UBE2D2: variants seen among roughly 807,000 people sequenced by gnomAD.
UBE2D2 encodes ubiquitin-conjugating enzyme E2 D2.
In UBE2D2, 2 loss-of-function variants were observed where a neutral mutation model predicts 24.2. The observed-to-expected ratio is 0.08, with a 90% CI of 0.03 to 0.26. UBE2D2 has a LOEUF of 0.26. Among genes scored for constraint, UBE2D2 ranks in the 10% least tolerant of loss-of-function variants. The pLI, the probability that UBE2D2 is intolerant of heterozygous loss-of-function variation, is 1.00. For missense variants in UBE2D2, 44 were observed against 177.6 expected (o/e 0.25, Z 4.28); for synonymous variants, 58 against 56.5 (o/e 1.03, Z -0.12).
intron 2 of UBE2D2, among the ~76,000 whole-genome samples, chr5:139,604,292 C>T (rs184127691): frequency 3.3e-5 from 5 of 151,904 alleles, no homozygotes; most frequent in African/African-American, 4.8e-5. Context: ...GCACGTGCCC[C>T]GCCGCCCAGC....
At chr5:139,573,461 T>C (rs1753397521) in intron 1 of UBE2D2, among the ~76,000 whole-genome samples, 1 of 152,156 alleles carries the variant, frequency 6.6e-6, no homozygotes, top group African/African-American at 2.4e-5. Context: ...CATTGCAGTA[T>C]AATATGAAAA....
intron 5 of UBE2D2, among the ~76,000 whole-genome samples, chr5:139,615,543 C>T (rs922284405): frequency 2.6e-5 from 4 of 151,584 alleles, no homozygotes; most frequent in African/African-American, 4.8e-5. Context: ...TAAAGTAGAG[C>T]ACAATTAACA....
At chr5:139,549,770 A>T (rs195673) in intron 1 of UBE2D2, among the ~76,000 whole-genome samples, 1 of 152,352 alleles carries the variant, frequency 6.6e-6, no homozygotes, top group South Asian at 2.1e-4. Flanking sequence ...GCCCCGGCCC[A>T]GCACAGGATC....
chr5:139,607,811 A>C (rs1754229522), intron 2 of UBE2D2, among the ~76,000 whole-genome samples: 1 of 152,136 alleles, frequency 6.6e-6, no homozygotes, highest in South Asian at 2.1e-4. Context: ...GTTTGAGACC[A>C]GCTTGGGCAA....
chr5:139,565,479 T>G (rs985336613), intron 1 of UBE2D2, among the ~76,000 whole-genome samples: 1 of 152,174 alleles, frequency 6.6e-6, no homozygotes, highest in Non-Finnish European at 1.5e-5. Context: ...TCTGCTGACT[T>G]TTTAGGTCTT....
intron 1 of UBE2D2, among the ~76,000 whole-genome samples, chr5:139,564,680 C>G (rs1385226023): frequency 1.3e-5 from 2 of 152,150 alleles, no homozygotes; most frequent in African/African-American, 4.8e-5. Context: ...GTCTTGAACT[C>G]CTGACCTCAA....
intron 1 of UBE2D2, among the ~76,000 whole-genome samples, chr5:139,553,053 A>G (rs1387054582): frequency 2.0e-5 from 3 of 152,226 alleles, no homozygotes; most frequent in African/African-American, 7.2e-5. Flanking sequence ...TCCTGACCTC[A>G]GGTGATCCGC....
chr5:139,543,908 C>G (rs1752789023), intron 1 of UBE2D2, among the ~76,000 whole-genome samples: 1 of 152,048 alleles, frequency 6.6e-6, no homozygotes, highest in African/African-American at 2.4e-5. Flanking sequence ...TTTCTTTTCC[C>G]ACAGAGAGCC....
intron 1 of UBE2D2, among the ~76,000 whole-genome samples, chr5:139,538,620 C>T (rs1177247265): frequency 6.6e-6 from 1 of 152,052 alleles, no homozygotes; most frequent in African/African-American, 2.4e-5. Flanking sequence ...CCTGTAATCC[C>T]AGCACTTTGG....
At chr5:139,530,946 G>A (rs905757534) in intron 1 of UBE2D2, among the ~76,000 whole-genome samples, 1 of 152,124 alleles carries the variant, frequency 6.6e-6, no homozygotes, top group Non-Finnish European at 1.5e-5. Flanking sequence ...AAACTTCGTT[G>A]CCACCTTAGT....
At chr5:139,620,486 G>T (rs1373107216) in intron 5 of UBE2D2, among the ~76,000 whole-genome samples, 1 of 152,184 alleles carries the variant, frequency 6.6e-6, no homozygotes, top group Non-Finnish European at 1.5e-5. Flanking sequence ...AATGTTCTAT[G>T]CTTGAAGAGG....
At chr5:139,552,543 T>C (rs562655999) in intron 1 of UBE2D2, among the ~76,000 whole-genome samples, 1 of 149,948 alleles carries the variant, frequency 6.7e-6, no homozygotes, top group South Asian at 2.1e-4. Context: ...AGTTTTGCTC[T>C]TGTTGTCCAG....
At chr5:139,557,219 C>T (rs1464223346), upstream of UBE2D2, among the ~76,000 whole-genome samples, 10 of 142,984 alleles carry the variant, frequency 7.0e-5, no homozygotes, top group South Asian at 2.3e-4. Flanking sequence ...CTGCAACCTC[C>T]GCCTCCCGGG....
intron 2 of UBE2D2, among the ~76,000 whole-genome samples, chr5:139,609,759 C>T (rs1466556184): frequency 1.4e-5 from 2 of 145,338 alleles, no homozygotes; most frequent in Middle Eastern, 3.6e-3. Flanking sequence ...TTCTTTCTTT[C>T]TTTCTTTTTT....
chr5:139,541,820 G>A (rs1752765917), intron 1 of UBE2D2, among the ~76,000 whole-genome samples: 1 of 152,052 alleles, frequency 6.6e-6, no homozygotes. Context: ...GGGAGGCTGA[G>A]GATGGCGGAT....
At chr5:139,559,264 A>C (rs577618583), upstream of UBE2D2, among the ~76,000 whole-genome samples, 7 of 152,040 alleles carry the variant, frequency 4.6e-5, no homozygotes, top group Non-Finnish European at 1.0e-4. Context: ...GTTTCTACTA[A>C]AAATACAAAA....
At chr5:139,601,361 T>TCCC (rs1754069034) in intron 2 of UBE2D2, among the ~76,000 whole-genome samples, 1 of 152,166 alleles carries the variant, frequency 6.6e-6, no homozygotes, top group Non-Finnish European at 1.5e-5. Context: ...CCCAGCACTT[T>TCCC]AGGAGACCGA....
chr5:139,543,942 T>C (rs1241628717), intron 1 of UBE2D2, among the ~76,000 whole-genome samples: 1 of 151,602 alleles, frequency 6.6e-6, no homozygotes, highest in Non-Finnish European at 1.5e-5. Context: ...GGAATGTCAA[T>C]GGAGTGATTT....
At chr5:139,543,996 T>C (rs925488465) in intron 1 of UBE2D2, among the ~76,000 whole-genome samples, 2 of 152,158 alleles carry the variant, frequency 1.3e-5, no homozygotes, top group African/African-American at 4.8e-5. Context: ...TATTTCTTTG[T>C]TGTTGATAAC....
Sources: allele counts gnomAD v4.1 joint callset (sites outside exome capture counted in the v4.1 genomes callset), GRCh38; gene constraint gnomAD v4.1.1; transcripts MANE v1.5; gene names NCBI Gene and HGNC (gene_info 2026-07-23, HGNC 2026-07-21).